Variants in CPT1A observed in about 807,000 individuals in gnomAD.
CPT1A encodes the protein carnitine palmitoyltransferase 1A, also known as carnitine O-palmitoyltransferase 1, liver isoform.
In CPT1A, 64 loss-of-function variants were observed where a neutral mutation model predicts 100.8. The ratio of observed to expected loss-of-function variants is 0.63; its 90% CI spans 0.52 to 0.78. The LOEUF (loss-of-function observed/expected upper bound fraction) is 0.78. CPT1A is among the 30% of genes least tolerant of loss of function. The pLI is 0.00. For missense variants in CPT1A, 802 were observed against 1,034.1 expected (o/e 0.78, Z 3.08); for synonymous variants, 363 against 396.0 (o/e 0.92, Z 0.99).
At position 68,760,311 on chromosome 11, in the gene CPT1A, T is replaced by C. The variant is rs1424754162; in HGVS notation, c.2056A>G (p.Thr686Ala). 1.2e-6 allele frequency: 2 copies of C among 1,612,528 alleles called. No individual in the cohort carries two copies. The highest frequency in any genetic ancestry group is 1.1e-5 in the South Asian group (1 of 90,686). ...EVLSEPWRLS[T>A]SQTPQQQVEL... Reference sequence around the variant, plus strand: ...ACTTGCTGCTGAGGGGTCTGGCTTGTTGATAATCTCCAAGGCTCAGATAAA... The same window carrying C: ...ACTTGCTGCTGAGGGGTCTGGCTTGCTGATAATCTCCAAGGCTCAGATAAA... Residue 686 changes from threonine (T) to alanine (A), a missense_variant, in exon 17 of 19, where the codon ACA becomes GCA. Thr to Ala is a moderately conservative substitution (Grantham distance 58, BLOSUM62 0). Transcript: ENST00000265641.
rs762044597 is a variant in CPT1A, at chr11:68,762,735, G to A, written c.1767C>T (p.Tyr589=). The change falls in exon 15 of 19, where the codon TAC becomes TAT. Residue 589 remains tyrosine (Y), a synonymous_variant. Transcript: ENST00000265641. The part of the protein sequence containing the change: ...YKDMGKFCLT[Y]EASMTRLFRE... Reference sequence around the variant, plus strand: ...GGAAGAGCCGGGTCATGGAGGCCTCGTATGTGAGGCAAAACTTGCCCATGT... The same window carrying A: ...GGAAGAGCCGGGTCATGGAGGCCTCATATGTGAGGCAAAACTTGCCCATGT... The A allele has an allele frequency of 1.6e-5, 26 of 1,613,982 alleles. No homozygotes were observed. The highest frequency in any genetic ancestry group is 4.5e-5 in the East Asian group (2 of 44,884).
At position 68,829,841 on chromosome 11, in the gene CPT1A, A is replaced by T. The variant is rs564292936; in HGVS notation, c.-14+11934T>A. 7.7e-4 allele frequency among the ~76,000 whole-genome samples: 118 copies of T among 152,316 alleles called. No individual in the cohort carries two copies. The highest frequency in any genetic ancestry group is 1.4e-3 in the Non-Finnish European group (94 of 68,032). ...CACCCCGGCGGCCTCCACCACACCA[A>T]AAACAACACATCGTCTGGCATTGTC... On this transcript the variant is annotated intron_variant, in intron 1 of 18. Coordinates refer to ENST00000265641, the MANE Select transcript of CPT1A (RefSeq NM_001876.4).
At chr11:68,823,961 G>A (rs1856654513) in intron 1 of CPT1A, among the ~76,000 whole-genome samples, 1 of 150,494 alleles carries the variant, frequency 6.6e-6, no homozygotes, top group Non-Finnish European at 1.5e-5. Flanking sequence ...AGATGGAAGT[G>A]ACAGGCCGGG....
intron 14 of CPT1A, among the ~76,000 whole-genome samples, chr11:68,768,673 TG>T (rs1854896162): frequency 6.6e-6 from 1 of 152,156 alleles, no homozygotes; most frequent in African/African-American, 2.4e-5. Context: ...CCCAAAGTGC[TG>T]GGTTTACAGG....
At chr11:68,776,762 C>T (rs1855152146) in intron 12 of CPT1A, among the ~76,000 whole-genome samples, 1 of 152,176 alleles carries the variant, frequency 6.6e-6, no homozygotes, top group Non-Finnish European at 1.5e-5. Flanking sequence ...GCCTGTAATC[C>T]CAGCTACTCG....
intron 1 of CPT1A, among the ~76,000 whole-genome samples, chr11:68,817,750 T>TG (rs113196178): frequency 0.12 from 3,821 of 31,432 alleles, 141 homozygotes; most frequent in African/African-American, 0.17. Context: ...GACAGGCTGT[T>TG]GGGGGGGGGT....
chr11:68,795,522 A>G (rs1219155024), intron 7 of CPT1A, among the ~76,000 whole-genome samples: 3 of 152,206 alleles, frequency 2.0e-5, no homozygotes, highest in Non-Finnish European at 2.9e-5. Context: ...TATGGACTAC[A>G]CTAACGGTTT....
chr11:68,836,850 G>GGGAAGGAAGGAA lies in CPT1A; in HGVS notation c.-14+4913_-14+4924dup, dbSNP rs150561761. On this transcript the variant is annotated intron_variant, in intron 1 of 18. Coordinates refer to ENST00000265641, the MANE Select transcript of CPT1A (RefSeq NM_001876.4). Reference sequence around the variant, plus strand: ...GAAACAAAATCTCCAAGAAAAGAAAGGGAAGGAAGGAAGGAAGGAAGGAAG... The same window carrying GGGAAGGAAGGAA: ...GAAACAAAATCTCCAAGAAAAGAAAGGGAAGGAAGGAAGGAAGGAAGGAAGGAAGGAAGGAAG... Among the ~76,000 whole-genome samples the GGGAAGGAAGGAA allele has an allele frequency of 2.9e-3, 439 of 150,736 alleles. 4 individuals carry two copies. Among genetic ancestry groups the GGGAAGGAAGGAA allele is most frequent in the African/African-American group, 0.01 (417 of 40,978 alleles).
chr11:68,799,278 G>C lies in CPT1A; in HGVS notation c.633C>G (p.Val211=). The C allele has an allele frequency of 6.2e-7, 1 of 1,613,976 alleles. No homozygotes were observed. Among genetic ancestry groups the C allele is most frequent in the Non-Finnish European group, 8.5e-7 (1 of 1,179,938 alleles). The stretch of plus-strand genomic sequence containing the variant: ...ACCACTGTAATCTTGGTCCAAGACC[G>C]ACAGCAAAATCTTGAGCAAGTGCTG... The part of the protein sequence containing the change: ...RMTALAQDFA[V]GLGPRLQWYL... Residue 211 remains valine, a synonymous_variant, in exon 6 of 19, where the codon GTC becomes GTG. Transcript: ENST00000265641.
chr11:68,817,888 A>G (rs3019606), intron 1 of CPT1A, among the ~76,000 whole-genome samples: 134,587 of 151,544 alleles, frequency 0.89, 60,980 homozygotes, highest in Non-Finnish European at 0.98. Flanking sequence ...GGGGTCAAGC[A>G]CAGGTGGCTG....
At chr11:68,824,794 C>CTTTTTTTTTTTT (rs60451933) in intron 1 of CPT1A, among the ~76,000 whole-genome samples, 1 of 120,354 alleles carries the variant, frequency 8.3e-6, no homozygotes, top group Non-Finnish European at 1.6e-5. Flanking sequence ...GCAATTGTAT[C>CTTTTTTTTTTTT]TTTTTTTTTT....
intron 9 of CPT1A, among the ~76,000 whole-genome samples, chr11:68,790,301 G>A (rs1855578895): frequency 6.6e-6 from 1 of 151,844 alleles, no homozygotes; most frequent in African/African-American, 2.4e-5. Context: ...AAACTCCTGG[G>A]CTCAGGTGAT....
intron 12 of CPT1A, among the ~76,000 whole-genome samples, chr11:68,778,415 G>A (rs3019590): frequency 0.92 from 139,700 of 152,002 alleles, 64,414 homozygotes; most frequent in Non-Finnish European, 0.95. Context: ...TCTCTTGGGG[G>A]AAAAATAGAC....
At chr11:68,784,558 C>T (rs190549116) in intron 10 of CPT1A, among the ~76,000 whole-genome samples, 13 of 152,298 alleles carry the variant, frequency 8.5e-5, no homozygotes, top group Admixed American at 3.9e-4. Context: ...TAATTCTAAT[C>T]CTCACTTCTC....
chr11:68,815,214 G>C (rs746192475), intron 2 of CPT1A, 120 bp downstream of exon 2: 5 of 1,016,318 alleles, frequency 4.9e-6, no homozygotes, highest in Non-Finnish European at 7.6e-6. Context: ...TAAGTACCAT[G>C]GAAACAGGTA....
intron 2 of CPT1A, among the ~76,000 whole-genome samples, chr11:68,814,718 G>A (rs1856334492): frequency 6.6e-6 from 1 of 151,862 alleles, no homozygotes; most frequent in Non-Finnish European, 1.5e-5. Context: ...ACAAAGTCTC[G>A]CTCTGTTGCC....
chr11:68,795,771 G>A (rs899641521), intron 7 of CPT1A, among the ~76,000 whole-genome samples: 109 of 152,040 alleles, frequency 7.2e-4, no homozygotes, highest in African/African-American at 2.1e-3. Context: ...TTAGCCGGGC[G>A]TTGTGGCAGG....
chr11:68,770,901 T>C (rs1311322058), intron 14 of CPT1A, among the ~76,000 whole-genome samples: 2 of 152,220 alleles, frequency 1.3e-5, no homozygotes, highest in African/African-American at 4.8e-5. Context: ...GCTTCCGATC[T>C]CAGTCCTGCT....
upstream of CPT1A, among the ~76,000 whole-genome samples, chr11:68,842,300 C>A (rs1857178904): frequency 6.6e-6 from 1 of 152,128 alleles, no homozygotes; most frequent in African/African-American, 2.4e-5. Context: ...ATAAGTTACC[C>A]CACATCACCG....
Sources: allele counts gnomAD v4.1 joint callset (sites outside exome capture counted in the v4.1 genomes callset), GRCh38; gene constraint gnomAD v4.1.1; transcripts MANE v1.5; gene names NCBI Gene and HGNC (gene_info 2026-07-23, HGNC 2026-07-21).